HYDIN: variants seen among roughly 807,000 people sequenced by gnomAD.
HYDIN encodes axonemal central pair apparatus protein HYDIN.
Under a neutral mutation model 403.9 loss-of-function variants are expected in HYDIN, and 132 were observed. The ratio of observed to expected loss-of-function variants is 0.33; its 90% CI spans 0.28 to 0.38. The LOEUF is 0.38. Ranked by LOEUF, HYDIN falls within the 10% of genes least tolerant of loss-of-function variation. The pLI, the probability that HYDIN is intolerant of heterozygous loss-of-function variation, is 1.00. For missense variants in HYDIN, 2,827 were observed against 5,009.5 expected, an observed-to-expected ratio of 0.56 and a Z score of 13.15; for synonymous variants, 1,202 against 1,891.7, an observed-to-expected ratio of 0.64 and a Z score of 9.46.
At chr16:71,184,305 A>G (rs2087035555) in intron 3 of HYDIN, among the ~76,000 whole-genome samples, 1 of 152,186 alleles carries the variant, frequency 6.6e-6, no homozygotes, top group Non-Finnish European at 1.5e-5. Flanking sequence ...ATATAATTTA[A>G]GAAATTAATT....
intron 5 of HYDIN, among the ~76,000 whole-genome samples, chr16:71,163,119 CTTTTTT>C (rs71272746): frequency 0.16 from 19,054 of 119,248 alleles, 1,412 homozygotes; most frequent in Middle Eastern, 0.26. Flanking sequence ...AATGATGTTT[CTTTTTT>C]TTTTTTTTTT....
At chr16:71,212,980 T>C (rs1024925959) in intron 1 of HYDIN, among the ~76,000 whole-genome samples, 2 of 152,072 alleles carry the variant, frequency 1.3e-5, no homozygotes, top group Non-Finnish European at 2.9e-5. Flanking sequence ...CATGGTTAGA[T>C]TGGGAGCTAA....
rs554916399 is a variant in HYDIN, at chr16:70,920,551, C to G, written c.7785+40G>C. The G allele has an allele frequency of 3.8e-5, 57 of 1,519,848 alleles. No individual in the cohort carries two copies. In the Admixed American group the frequency reaches 4.7e-4, roughly 12 times the overall value. The allele number at this position is 1,519,848 out of a possible 1,614,324, so 94.1% of individuals were successfully genotyped here. ...GATGACCTTAGCACAGCGCCTGCTGCCTGACTTGAGACTTCCCCACCCTGG... is the reference window on the plus strand; with the variant it reads ...GATGACCTTAGCACAGCGCCTGCTGGCTGACTTGAGACTTCCCCACCCTGG... On this transcript the variant is annotated intron_variant, in intron 46 of 85. Coordinates refer to ENST00000393567, the MANE Select transcript of HYDIN (RefSeq NM_001270974.2).
intron 12 of HYDIN, chr16:71,087,750 C>T (rs1308155008): frequency 1.3e-5 from 2 of 148,704 alleles, no homozygotes; most frequent in Non-Finnish European, 3.0e-5. Context: ...GAGACCTCAG[C>T]TTGTAGATGG....
intron 16 of HYDIN, chr16:71,062,653 C>T: frequency 4.7e-6 from 1 of 213,054 alleles, no homozygotes; most frequent in Non-Finnish European, 9.4e-6. Flanking sequence ...GTTCCTTAAC[C>T]TGGCCCTCTG....
At chr16:71,206,058 T>A (rs892686088) in intron 1 of HYDIN, among the ~76,000 whole-genome samples, 2 of 152,044 alleles carry the variant, frequency 1.3e-5, no homozygotes, top group African/African-American at 4.8e-5. Flanking sequence ...ACCCAGACAG[T>A]AGGGCTGGCA....
chr16:71,171,233 C>G (rs745964581), intron 5 of HYDIN, among the ~76,000 whole-genome samples: 2 of 152,184 alleles, frequency 1.3e-5, no homozygotes, highest in South Asian at 4.1e-4. Context: ...GATATTTGCA[C>G]GGCTTAAATT....
chr16:70,839,632 C>T (rs2037676499), intron 76 of HYDIN, among the ~76,000 whole-genome samples: 1 of 152,000 alleles, frequency 6.6e-6, no homozygotes. Flanking sequence ...GGGCTCAGAA[C>T]CTTGGACTAG....
chr16:71,115,210 TAGTG>T (rs1016151775), intron 10 of HYDIN, among the ~76,000 whole-genome samples: 2 of 151,986 alleles, frequency 1.3e-5, no homozygotes, highest in African/African-American at 4.8e-5. Context: ...GTTTTTGTGA[TAGTG>T]AGTGAGTTCT....
intron 13 of HYDIN, among the ~76,000 whole-genome samples, chr16:71,070,090 T>G (rs2082413323): frequency 6.6e-6 from 1 of 152,092 alleles, no homozygotes; most frequent in Admixed American, 6.5e-5. Context: ...ACAAACTGCT[T>G]TAGAGCCAGC....
rs554784196 is a variant in HYDIN, at chr16:71,114,546, G to C, written c.1327+1150C>G. Among the ~76,000 whole-genome samples the C allele has an allele frequency of 6.6e-5, 10 of 151,958 alleles. No homozygotes were observed. In the South Asian group the frequency reaches 1.0e-3, roughly 16 times the overall value. Reference sequence around the variant, plus strand: ...TTTAGAAACCAAGCTTTGGGTGATTGGTGTGCTCACTGCTATAGAGTCTCA... The same window carrying C: ...TTTAGAAACCAAGCTTTGGGTGATTCGTGTGCTCACTGCTATAGAGTCTCA... On this transcript the variant is annotated intron_variant, in intron 10 of 85. Transcript: ENST00000393567.
chr16:70,867,159 G>C (rs1165820099), intron 66 of HYDIN, among the ~76,000 whole-genome samples: 15 of 146,864 alleles, frequency 1.0e-4, no homozygotes, highest in African/African-American at 2.8e-4. Flanking sequence ...TGAAAAATGA[G>C]CAAAAGGCAT....
intron 47 of HYDIN, among the ~76,000 whole-genome samples, chr16:70,910,440 C>G (rs1420917722): frequency 6.6e-6 from 1 of 152,180 alleles, no homozygotes; most frequent in Non-Finnish European, 1.5e-5. Context: ...AGTAGTATTC[C>G]TTTGTGTATA....
At chr16:71,027,952 T>A in intron 19 of HYDIN, 77 bp from the exon 20 acceptor site, 1 of 537,210 alleles carries the variant, frequency 1.9e-6, no homozygotes, top group Non-Finnish European at 3.2e-6. Context: ...TGGGATTTAC[T>A]CTTCTGGAAG....
intron 29 of HYDIN, among the ~76,000 whole-genome samples, chr16:70,980,192 A>G (rs554467985): frequency 6.7e-6 from 1 of 149,582 alleles, no homozygotes; most frequent in South Asian, 2.2e-4. Context: ...CGAGAGTGTA[A>G]CATGGTCTTA....
intron 15 of HYDIN, among the ~76,000 whole-genome samples, chr16:71,065,985 G>T (rs1006165486): frequency 1.3e-5 from 2 of 152,190 alleles, no homozygotes; most frequent in Non-Finnish European, 2.9e-5. Flanking sequence ...TGGAATGGAA[G>T]TTGTCTGTTG....
chr16:70,811,457 GAA>G (rs1258269647), intron 84 of HYDIN: 1 of 152,404 alleles, frequency 6.6e-6, no homozygotes, highest in Non-Finnish European at 1.5e-5. Context: ...TTTTAAAAAA[GAA>G]AAATATCAGA....
intron 23 of HYDIN, among the ~76,000 whole-genome samples, chr16:71,003,902 G>A (rs10083820): frequency 1.3e-4 from 19 of 151,346 alleles, no homozygotes; most frequent in African/African-American, 2.4e-4. Flanking sequence ...ATTATTTTGC[G>A]TTTTCCATGT....
chr16:70,829,646 G>A lies in HYDIN; in HGVS notation c.14084C>T (p.Thr4695Ile), dbSNP rs2036835576. The change falls in exon 81 of 86, where the codon ACC becomes ATC. Residue 4695 changes from threonine to isoleucine, a missense_variant. Physicochemically the swap from Thr to Ile is moderately conservative, Grantham distance 89. Transcript: ENST00000393567. ...KPYEITYRPR[T>I]MNLENRKHQG... ...GTGCTTGCGGTTCTCCAAGTTCATGGTGCGGGGCCTGTAGGTGATCTCATA... is the reference window on the plus strand; with the variant it reads ...GTGCTTGCGGTTCTCCAAGTTCATGATGCGGGGCCTGTAGGTGATCTCATA... 4 of 1,613,428 alleles carry A rather than the reference G, an allele frequency of 2.5e-6. No individual in the cohort carries two copies. The highest frequency in any genetic ancestry group is 2.5e-6 in the Non-Finnish European group (3 of 1,179,806).
Sources: allele counts gnomAD v4.1 joint callset (sites outside exome capture counted in the v4.1 genomes callset), GRCh38; gene constraint gnomAD v4.1.1; transcripts MANE v1.5; gene names NCBI Gene and HGNC (gene_info 2026-07-23, HGNC 2026-07-21).